Variants in IGF2BP2 observed in about 807,000 individuals in gnomAD.
IGF2BP2 encodes insulin like growth factor 2 mRNA binding protein 2, also known as insulin-like growth factor 2 mRNA-binding protein 2.
Under a neutral mutation model 75.8 loss-of-function variants are expected in IGF2BP2, and 17 were observed. The ratio of observed to expected loss-of-function variants is 0.22; its 90% CI spans 0.15 to 0.34. The LOEUF (loss-of-function observed/expected upper bound fraction) is 0.34, where lower values mean the gene tolerates loss of function less well. IGF2BP2 is among the 10% of genes least tolerant of loss of function. The pLI is 1.00. For synonymous variants in IGF2BP2, 288 were observed against 295.6 expected, an observed-to-expected ratio of 0.97 and a Z score of 0.26; for missense variants, 516 against 772.4, an observed-to-expected ratio of 0.67 and a Z score of 3.93.
At chr3:185,787,703 C>G (rs112106293) in intron 2 of IGF2BP2, among the ~76,000 whole-genome samples, 3 of 151,228 alleles carry the variant, frequency 2.0e-5, no homozygotes, top group African/African-American at 7.3e-5. Flanking sequence ...ACTGCACTCC[C>G]GCCTGGGCAA....
intron 2 of IGF2BP2, among the ~76,000 whole-genome samples, chr3:185,753,284 C>T (rs184732186): frequency 2.0e-5 from 3 of 152,262 alleles, no homozygotes; most frequent in Non-Finnish European, 4.4e-5. Context: ...GTGCTCTCTG[C>T]CTGTAAGGAA....
chr3:185,725,403 A>C (rs920341589), intron 2 of IGF2BP2, among the ~76,000 whole-genome samples: 2 of 152,188 alleles, frequency 1.3e-5, no homozygotes, highest in Admixed American at 6.5e-5. Flanking sequence ...GAGAGCACTG[A>C]TACTATGTGA....
intron 2 of IGF2BP2, among the ~76,000 whole-genome samples, chr3:185,777,920 T>C (rs1459226495): frequency 1.3e-5 from 2 of 151,980 alleles, no homozygotes; most frequent in African/African-American, 4.8e-5. Flanking sequence ...GATGCACATC[T>C]GTAATCCCAG....
At chr3:185,750,061 C>T (rs964835983) in intron 2 of IGF2BP2, among the ~76,000 whole-genome samples, 2 of 152,170 alleles carry the variant, frequency 1.3e-5, no homozygotes, top group African/African-American at 4.8e-5. Flanking sequence ...TGTTAACAAG[C>T]AAGTTGCAGG....
At chr3:185,775,067 A>G (rs1734376929) in intron 2 of IGF2BP2, among the ~76,000 whole-genome samples, 1 of 152,092 alleles carries the variant, frequency 6.6e-6, no homozygotes, top group Admixed American at 6.5e-5. Flanking sequence ...TTTGGCTCCA[A>G]CACTTGTCTG....
chr3:185,672,700 GGGA>G, intron 9 of IGF2BP2, 31 bp from the exon 10 acceptor site: 1 of 1,613,536 alleles, frequency 6.2e-7, no homozygotes, highest in Non-Finnish European at 8.5e-7. Context: ...AAAAGATGAA[GGGA>G]GGAGACCAGA....
intron 2 of IGF2BP2, chr3:185,820,991 T>C: frequency 6.5e-7 from 1 of 1,534,798 alleles, no homozygotes. Flanking sequence ...ATAAAAGCTT[T>C]GGTTTCAAAT....
At chr3:185,802,306 A>ACTAACCAAGACATGTTCTTGG (rs1738397585) in intron 2 of IGF2BP2, among the ~76,000 whole-genome samples, 1 of 152,212 alleles carries the variant, frequency 6.6e-6, no homozygotes, top group African/African-American at 2.4e-5. Flanking sequence ...AGTGTTCTTG[A>ACTAACCAAGACATGTTCTTGG]CTAACCAAGA....
intron 2 of IGF2BP2, among the ~76,000 whole-genome samples, chr3:185,772,577 C>CTTTTTTT (rs368068706): frequency 1.7e-5 from 2 of 118,202 alleles, no homozygotes; most frequent in African/African-American, 3.5e-5. Context: ...CCTTCTCTCT[C>CTTTTTTT]TTTTTTTTTT....
intron 2 of IGF2BP2, among the ~76,000 whole-genome samples, chr3:185,782,137 C>G (rs1735289969): frequency 6.6e-6 from 1 of 152,120 alleles, no homozygotes; most frequent in South Asian, 2.1e-4. Context: ...CTTCCTTCTT[C>G]GTTCAGAAAG....
intron 2 of IGF2BP2, among the ~76,000 whole-genome samples, chr3:185,807,675 T>C (rs1739202964): frequency 6.6e-6 from 1 of 152,214 alleles, no homozygotes; most frequent in South Asian, 2.1e-4. Context: ...TGTCTCATGT[T>C]TAATGAACAA....
At chr3:185,695,204 C>G (rs189998223) in intron 4 of IGF2BP2, among the ~76,000 whole-genome samples, 1 of 152,206 alleles carries the variant, frequency 6.6e-6, no homozygotes, top group African/African-American at 2.4e-5. Flanking sequence ...TGGGCATGGG[C>G]AGGCAGCAGC....
At chr3:185,718,503 T>C (rs1420226045) in intron 2 of IGF2BP2, among the ~76,000 whole-genome samples, 2 of 151,742 alleles carry the variant, frequency 1.3e-5, no homozygotes, top group Non-Finnish European at 2.9e-5. Flanking sequence ...GTGGCTAACA[T>C]AGTGAAATCC....
chr3:185,812,731 T>C (rs908272882), intron 2 of IGF2BP2, among the ~76,000 whole-genome samples: 2 of 152,212 alleles, frequency 1.3e-5, no homozygotes, highest in Non-Finnish European at 2.9e-5. Context: ...TGCAGTTGTC[T>C]TCGTATTGGG....
intron 2 of IGF2BP2, among the ~76,000 whole-genome samples, chr3:185,733,376 G>A (rs1265487004): frequency 6.6e-6 from 1 of 152,194 alleles, no homozygotes; most frequent in East Asian, 1.9e-4. Flanking sequence ...CATTTACTGA[G>A]CATTTACTAG....
chr3:185,731,222 C>T (rs988437680), intron 2 of IGF2BP2, among the ~76,000 whole-genome samples: 11 of 150,828 alleles, frequency 7.3e-5, no homozygotes, highest in Non-Finnish European at 1.6e-4. Flanking sequence ...AGACAAAGAG[C>T]AGGCTGTGTA....
At chr3:185,779,928 A>C (rs2149795780) in intron 2 of IGF2BP2, among the ~76,000 whole-genome samples, 1 of 152,368 alleles carries the variant, frequency 6.6e-6, no homozygotes, top group Non-Finnish European at 1.5e-5. Flanking sequence ...CTTGTATATA[A>C]GCGTAAATAA....
chr3:185,773,631 T>C (rs1422437179), intron 2 of IGF2BP2, among the ~76,000 whole-genome samples: 1 of 152,190 alleles, frequency 6.6e-6, no homozygotes, highest in Non-Finnish European at 1.5e-5. Context: ...GGTTTATTTA[T>C]AAGGTCAAAA....
chr3:185,784,121 G>C (rs1735559693), intron 2 of IGF2BP2, among the ~76,000 whole-genome samples: 1 of 152,130 alleles, frequency 6.6e-6, no homozygotes, highest in South Asian at 2.1e-4. Flanking sequence ...TGTAGTCCCA[G>C]ATACTTGGGA....
Sources: gnomAD v4.1 joint callset for allele counts (sites outside exome capture counted in the v4.1 genomes callset) on GRCh38, gnomAD v4.1.1 for gene constraint, MANE v1.5 for transcripts, NCBI Gene and HGNC (gene_info 2026-07-23, HGNC 2026-07-21) for gene names.